The following LRRC20 variants were observed in gnomAD, a reference collection of about 807,000 sequenced individuals.
LRRC20 encodes leucine-rich repeat-containing protein 20.
Under a neutral mutation model 14.4 loss-of-function variants are expected in LRRC20, and 11 were observed. The observed-to-expected ratio is 0.77, with a 90% CI of 0.48 to 1.27. The LOEUF (loss-of-function observed/expected upper bound fraction) is 1.27, where lower values mean the gene tolerates loss of function less well. Among genes scored for constraint, LRRC20 ranks in the 50% most tolerant of loss-of-function variants. The pLI, the probability that LRRC20 is intolerant of heterozygous loss-of-function variation, is 0.00. For missense variants in LRRC20, 219 were observed against 251.2 expected (o/e 0.87, Z 0.87); for synonymous variants, 121 against 107.3 (o/e 1.13, Z -0.79).
intron 2 of LRRC20, among the ~76,000 whole-genome samples, chr10:70,366,046 G>A (rs1437151651): frequency 2.0e-5 from 3 of 149,368 alleles, no homozygotes; most frequent in Admixed American, 1.3e-4. Flanking sequence ...CTCCAGCCTG[G>A]GTGACAGAGC....
intron 1 of LRRC20, among the ~76,000 whole-genome samples, chr10:70,378,510 G>C (rs1844589235): frequency 6.6e-6 from 1 of 151,332 alleles, no homozygotes; most frequent in Non-Finnish European, 1.5e-5. Context: ...AAAATGGTCG[G>C]GCATGGTGGC....
intron 2 of LRRC20, among the ~76,000 whole-genome samples, chr10:70,351,130 G>A (rs979060018): frequency 2.6e-5 from 4 of 151,928 alleles, no homozygotes; most frequent in Non-Finnish European, 1.5e-5. Context: ...GCAGTGAGCC[G>A]AGATCGTGCC....
intron 4 of LRRC20, among the ~76,000 whole-genome samples, chr10:70,317,807 A>G (rs1841923369): frequency 6.6e-6 from 1 of 152,184 alleles, no homozygotes; most frequent in Non-Finnish European, 1.5e-5. Flanking sequence ...GGCAGCTGGC[A>G]CTGGCAGGTC....
At chr10:70,358,394 C>T (rs1843607134) in intron 2 of LRRC20, among the ~76,000 whole-genome samples, 1 of 152,192 alleles carries the variant, frequency 6.6e-6, no homozygotes, top group Non-Finnish European at 1.5e-5. Flanking sequence ...GCTGCAGTTA[C>T]CAACTGACCA....
intron 3 of LRRC20, among the ~76,000 whole-genome samples, chr10:70,338,998 G>A (rs1325298158): frequency 6.6e-6 from 1 of 151,728 alleles, no homozygotes; most frequent in Non-Finnish European, 1.5e-5. Flanking sequence ...GGGTATATAC[G>A]TAGGAGGGGA....
chr10:70,343,659 G>A (rs1390444679), intron 2 of LRRC20, among the ~76,000 whole-genome samples: 1 of 152,134 alleles, frequency 6.6e-6, no homozygotes, highest in African/African-American at 2.4e-5. Context: ...GGCAACCTGG[G>A]GATTCTAAAA....
At chr10:70,313,891 T>C (rs1841758785) in intron 4 of LRRC20, among the ~76,000 whole-genome samples, 1 of 152,172 alleles carries the variant, frequency 6.6e-6, no homozygotes, top group Non-Finnish European at 1.5e-5. Flanking sequence ...TGGACCGGTA[T>C]ATTAGTCCAT....
chr10:70,379,328 T>C (rs565458804), intron 1 of LRRC20, among the ~76,000 whole-genome samples: 1 of 152,268 alleles, frequency 6.6e-6, no homozygotes, highest in East Asian at 1.9e-4. Context: ...ATCATAGCCA[T>C]GTTGCTAGCA....
chr10:70,368,221 A>G (rs9733691), intron 2 of LRRC20, among the ~76,000 whole-genome samples: 137,682 of 143,366 alleles, frequency 0.96, 66,370 homozygotes, highest in Non-Finnish European at 1. Context: ...GCAGTGGCAC[A>G]ATCTCAGCTT....
intron 1 of LRRC20, among the ~76,000 whole-genome samples, chr10:70,378,719 C>T (rs1306481548): frequency 6.7e-6 from 1 of 148,378 alleles, no homozygotes; most frequent in East Asian, 2.0e-4. Context: ...TTGCAGTGAG[C>T]CGAGATTGTG....
intron 4 of LRRC20, among the ~76,000 whole-genome samples, chr10:70,309,896 A>C (rs1841583063): frequency 6.6e-6 from 1 of 151,714 alleles, no homozygotes; most frequent in African/African-American, 2.4e-5. Context: ...CATCCCCACG[A>C]CTCCAGGCCT....
At chr10:70,322,945 A>G (rs952091025) in intron 4 of LRRC20, among the ~76,000 whole-genome samples, 1 of 151,640 alleles carries the variant, frequency 6.6e-6, no homozygotes, top group African/African-American at 2.4e-5. Context: ...GATGGGCCCA[A>G]ACTGCTAGGA....
intron 2 of LRRC20, among the ~76,000 whole-genome samples, chr10:70,342,495 C>A (rs1842953064): frequency 6.6e-6 from 1 of 151,962 alleles, no homozygotes; most frequent in Non-Finnish European, 1.5e-5. Flanking sequence ...AGCAGATAGA[C>A]CCTAAAAGCA....
Position 70,299,271 on chromosome 10 carries a change from A to G in LRRC20, c.*2083T>C, listed in dbSNP as rs1445161001. On this transcript the variant is annotated 3_prime_UTR_variant, in exon 5 of 5. Transcript: ENST00000446961. ...TCACACTCCCTTCTTCAGGAGTGCC[A>G]TGCAGACTCTGGAACAATCTAACAG... The G allele has an allele frequency of 1.3e-5, 2 of 152,242 alleles. No homozygotes were observed. The highest frequency in any genetic ancestry group is 2.9e-5 in the Non-Finnish European group (2 of 68,076). 9.4% of individuals were successfully genotyped at this position (152,242 alleles called of 1,614,324 possible).
intron 2 of LRRC20, among the ~76,000 whole-genome samples, chr10:70,366,282 G>C (rs1029843696): frequency 6.6e-6 from 1 of 151,798 alleles, no homozygotes; most frequent in Non-Finnish European, 1.5e-5. Context: ...AATTAACCAG[G>C]CATGGTGGCA....
chr10:70,304,536 T>A (rs10999255), intron 4 of LRRC20, among the ~76,000 whole-genome samples: 5,190 of 142,222 alleles, frequency 0.036, 181 homozygotes, highest in East Asian at 0.096. Flanking sequence ...CAATCTTTTT[T>A]AAATATTATT....
At chr10:70,311,814 G>C (rs1841678694) in intron 4 of LRRC20, among the ~76,000 whole-genome samples, 1 of 152,206 alleles carries the variant, frequency 6.6e-6, no homozygotes, top group Non-Finnish European at 1.5e-5. Context: ...TCCTCCCACT[G>C]TAGACAGCCA....
chr10:70,314,917 T>C (rs1841801064), intron 4 of LRRC20, among the ~76,000 whole-genome samples: 1 of 152,182 alleles, frequency 6.6e-6, no homozygotes, highest in South Asian at 2.1e-4. Context: ...CCTGTGGCTT[T>C]CTATCCCCCT....
chr10:70,301,245 G>GGCCC lies in LRRC20; in HGVS notation c.*108_*109insGGGC. ...CACCCCACCCACCACGTGCTGCTCG[G>GGCCC]CCCACCCGCCCCCAGCCCCCAGGCT... is the stretch of plus-strand genomic sequence containing the variant. On this transcript the variant is annotated 3_prime_UTR_variant, in exon 5 of 5. Coordinates refer to ENST00000446961, the MANE Select transcript of LRRC20 (RefSeq NM_001278212.2). The GGCCC allele has an allele frequency of 1.4e-6, 2 of 1,465,178 alleles. No homozygotes were observed. The allele number at this position is 1,465,178 out of a possible 1,614,324, so 90.8% of individuals were successfully genotyped here. A position where few individuals can be genotyped will look rare whatever the true frequency, so the allele number is the denominator to read the frequency against.
Sources: gnomAD v4.1 joint callset for allele counts (sites outside exome capture counted in the v4.1 genomes callset) on GRCh38, gnomAD v4.1.1 for gene constraint, MANE v1.5 for transcripts, NCBI Gene and HGNC (gene_info 2026-07-23, HGNC 2026-07-21) for gene names.